IMPA2: variants seen among roughly 807,000 people sequenced by gnomAD.
IMPA2 encodes the protein IMP 2.
A neutral mutation model predicts 35.1 loss-of-function variants in IMPA2; 32 were observed. The observed-to-expected ratio is 0.91, with a 90% CI of 0.69 to 1.23. The LOEUF is 1.23. Ranked by LOEUF, IMPA2 falls within the 50% of genes most tolerant of loss-of-function variation. IMPA2 has a pLI of 0.00. For synonymous variants in IMPA2, 135 were observed against 160.6 expected, an observed-to-expected ratio of 0.84 and a Z score of 1.20; for missense variants, 334 against 387.6, an observed-to-expected ratio of 0.86 and a Z score of 1.16.
At chr18:12,007,628 C>CTTTCTTTCTTTCTTTCT (rs374480021) in intron 2 of IMPA2, among the ~76,000 whole-genome samples, 4 of 116,790 alleles carry the variant, frequency 3.4e-5, no homozygotes, top group East Asian at 2.6e-4. Flanking sequence ...CTTTTTCTTT[C>CTTTCTTTCTTTCTTTCT]TTCTTTCTTT....
At chr18:11,982,895 G>C (rs1465777271) in intron 1 of IMPA2, among the ~76,000 whole-genome samples, 1 of 151,296 alleles carries the variant, frequency 6.6e-6, no homozygotes, top group Non-Finnish European at 1.5e-5. Flanking sequence ...TTTCTTTTTT[G>C]AGGTCTGACA....
chr18:12,011,460 C>T (rs537374936), intron 3 of IMPA2, among the ~76,000 whole-genome samples: 8 of 152,316 alleles, frequency 5.3e-5, no homozygotes, highest in Admixed American at 2.0e-4. Context: ...TGGAAGCCAG[C>T]GGCTCATCCC....
chr18:11,999,743 G>A (rs988989525), intron 2 of IMPA2, among the ~76,000 whole-genome samples: 2 of 152,270 alleles, frequency 1.3e-5, no homozygotes, highest in Non-Finnish European at 2.9e-5. Context: ...CCTGCAAGAG[G>A]CCTGTATGAG....
intron 1 of IMPA2, among the ~76,000 whole-genome samples, chr18:11,995,590 G>A (rs1444736742): frequency 6.6e-6 from 1 of 152,156 alleles, no homozygotes; most frequent in Non-Finnish European, 1.5e-5. Context: ...GTGACAGGGC[G>A]CCACCAAGTG....
chr18:12,007,539 C>T (rs1003884363), intron 2 of IMPA2, among the ~76,000 whole-genome samples: 49 of 152,252 alleles, frequency 3.2e-4, no homozygotes, highest in African/African-American at 1.1e-3. Context: ...ACACCAAACA[C>T]CAGAACATGG....
chr18:12,022,189 C>A (rs1032939234), intron 5 of IMPA2, among the ~76,000 whole-genome samples: 8 of 152,102 alleles, frequency 5.3e-5, no homozygotes, highest in African/African-American at 1.4e-4. Context: ...TAAGCAAGAA[C>A]TCCCTGTTCC....
rs1468707109 is a variant in IMPA2, at chr18:12,028,030, C to T, written c.491-13C>T. On this transcript the variant is annotated splice_polypyrimidine_tract_variant and intron_variant, in intron 5 of 7. Transcript: ENST00000269159. Reference sequence around the variant, plus strand: ...TTGATTTTTCTGGTGACAGGAAATTCTTTTTATTGCAGATCTCTCAAAGGC... The same window carrying T: ...TTGATTTTTCTGGTGACAGGAAATTTTTTTTATTGCAGATCTCTCAAAGGC... 30 of 1,587,478 alleles carry T rather than the reference C, an allele frequency of 1.9e-5. No individual in the cohort carries two copies. Among genetic ancestry groups the T allele is most frequent in the Non-Finnish European group, 2.6e-5 (30 of 1,156,258 alleles).
At chr18:11,983,700 G>T (rs955387897) in intron 1 of IMPA2, among the ~76,000 whole-genome samples, 1 of 152,018 alleles carries the variant, frequency 6.6e-6, no homozygotes, top group Non-Finnish European at 1.5e-5. Flanking sequence ...AGCCCGGGCC[G>T]CCCGGGGCTC....
At chr18:12,018,088 A>G (rs7234389) in intron 5 of IMPA2, 98,203 of 154,982 alleles carry the variant, frequency 0.63, 32,083 homozygotes, top group Non-Finnish European at 0.68. Context: ...TTACAGGCGC[A>G]TGCCACCATG....
At chr18:11,986,698 C>T (rs1906675616) in intron 1 of IMPA2, among the ~76,000 whole-genome samples, 1 of 152,202 alleles carries the variant, frequency 6.6e-6, no homozygotes, top group South Asian at 2.1e-4. Context: ...CAGCACCTGG[C>T]CCACACTCCT....
At position 12,028,807 on chromosome 18, in the gene IMPA2, C is replaced by A. The variant is rs372456043; in HGVS notation, c.600-35C>A. 3.7e-6 allele frequency: 6 copies of A among 1,605,664 alleles called. No individual in the cohort carries two copies. In the African/African-American group the frequency reaches 5.3e-5, roughly 14 times the overall value. On this transcript the variant is annotated intron_variant, in intron 6 of 7. Transcript: ENST00000269159. ...TGCACACCACAGAAAAGGCTCCACT[C>A]CCGCCTGCATCTGTCCTCCCTTCCC...
At chr18:11,985,870 C>T (rs1174392723) in intron 1 of IMPA2, among the ~76,000 whole-genome samples, 1 of 152,176 alleles carries the variant, frequency 6.6e-6, no homozygotes, top group East Asian at 1.9e-4. Context: ...TGGCTGTATC[C>T]ACGCCAGTGC....
chr18:12,007,072 G>A (rs1470848988), intron 2 of IMPA2, among the ~76,000 whole-genome samples: 2 of 152,220 alleles, frequency 1.3e-5, no homozygotes, highest in Admixed American at 6.5e-5. Context: ...AGAGGTTGCA[G>A]TGAGCTGAGA....
At position 11,981,703 on chromosome 18, in the gene IMPA2, G is replaced by T. The variant is rs1598677393; in HGVS notation, c.34G>T (p.Ala12Ser). 6 of 1,230,864 alleles carry T rather than the reference G, an allele frequency of 4.9e-6. No homozygotes were observed. The highest frequency in any genetic ancestry group is 6.3e-5 in the East Asian group (2 of 31,524). The allele number at this position is 1,230,864 out of a possible 1,614,324, so 76.2% of individuals were successfully genotyped here. A position where few individuals can be genotyped will look rare whatever the true frequency, so the allele number is the denominator to read the frequency against. The part of the protein sequence containing the change: ...KPSGEDQAAL[A>S]AGPWEECFQA... The stretch of plus-strand genomic sequence containing the variant: ...GAGCGGCGAGGACCAGGCGGCGCTG[G>T]CGGCCGGCCCCTGGGAGGAGTGCTT... The change falls in exon 1 of 8, where the codon GCG (alanine) becomes TCG (serine). Residue 12 changes from alanine to serine, a missense_variant. Ala to Ser is a moderately conservative substitution (Grantham distance 99). Transcript: ENST00000269159.
chr18:12,029,075 C>A, intron 7 of IMPA2, 82 bp downstream of exon 7: 5 of 1,090,200 alleles, frequency 4.6e-6, no homozygotes, highest in Non-Finnish European at 6.4e-6. Context: ...GAAGTCCCCA[C>A]CAACTGAATT....
intron 5 of IMPA2, 60 bp downstream of exon 5, chr18:12,014,433 C>T (rs1907522679): frequency 6.7e-6 from 7 of 1,039,648 alleles, no homozygotes; most frequent in Non-Finnish European, 8.3e-6. Context: ...AAGGAGAATG[C>T]CAAAGCCACC....
rs1382572675 is a variant in IMPA2, at chr18:11,999,235, CAT to C, written c.230+50_230+51del. 2.5e-6 allele frequency: 4 copies of C among 1,574,148 alleles called. No individual in the cohort carries two copies. The African/African-American group carries it at 4.1e-5, about 16-fold the overall frequency. On this transcript the variant is annotated intron_variant, in intron 2 of 7. Transcript: ENST00000269159. Reference sequence around the variant, plus strand: ...CACCCCCAGTAACCCTGGCCACACTCATAGAGAATGCAGGGTCTGCCGGGGTC... The same window carrying C: ...CACCCCCAGTAACCCTGGCCACACTCAGAGAATGCAGGGTCTGCCGGGGTC...
At chr18:11,986,393 G>C (rs1030527944) in intron 1 of IMPA2, among the ~76,000 whole-genome samples, 1 of 152,146 alleles carries the variant, frequency 6.6e-6, no homozygotes, top group Non-Finnish European at 1.5e-5. Flanking sequence ...GGCCTTCCCT[G>C]TCTTTCCAGT....
At chr18:12,005,962 A>G (rs2143798001) in intron 2 of IMPA2, among the ~76,000 whole-genome samples, 1 of 152,282 alleles carries the variant, frequency 6.6e-6, no homozygotes, top group Middle Eastern at 3.4e-3. Context: ...CCTGAGTCAT[A>G]TCTGTTCGCT....
Sources: allele counts gnomAD v4.1 joint callset (sites outside exome capture counted in the v4.1 genomes callset), GRCh38; gene constraint gnomAD v4.1.1; transcripts MANE v1.5; gene names NCBI Gene and HGNC (gene_info 2026-07-23, HGNC 2026-07-21).